The following UNC13B variants were observed in gnomAD, a reference collection of about 807,000 sequenced individuals.
The protein encoded by UNC13B is protein unc-13 homolog B.
A neutral mutation model predicts 211.0 loss-of-function variants in UNC13B; 144 were observed. The ratio of observed to expected loss-of-function variants is 0.68; its 90% CI spans 0.60 to 0.78. The LOEUF (loss-of-function observed/expected upper bound fraction) is 0.78, where lower values mean the gene tolerates loss of function less well. Among genes scored for constraint, UNC13B ranks in the 30% least tolerant of loss-of-function variants. The pLI, the probability that UNC13B is intolerant of heterozygous loss-of-function variation, is 0.00. For synonymous variants in UNC13B, 709 were observed against 725.8 expected, an observed-to-expected ratio of 0.98 and a Z score of 0.37; for missense variants, 1,777 against 2,002.0, an observed-to-expected ratio of 0.89 and a Z score of 2.14.
At chr9:35,386,575 A>G (rs1187531211) in intron 24 of UNC13B, among the ~76,000 whole-genome samples, 4 of 152,156 alleles carry the variant, frequency 2.6e-5, no homozygotes, top group African/African-American at 9.7e-5. Flanking sequence ...GAGTAGGGGA[A>G]TTCTCAGTCC....
At chr9:35,254,841 C>T (rs1019481590) in intron 6 of UNC13B, among the ~76,000 whole-genome samples, 51 of 140,486 alleles carry the variant, frequency 3.6e-4, no homozygotes, top group African/African-American at 1.0e-3. Context: ...CTAGTCCTTA[C>T]GCTTTTTCTA....
chr9:35,401,932 C>G (rs1425171787), intron 37 of UNC13B: 1 of 1,550,132 alleles, frequency 6.5e-7, no homozygotes, highest in Non-Finnish European at 8.7e-7. Context: ...CTACCTCTGA[C>G]TTGCCTGTCC....
At chr9:35,196,671 T>G (rs1434117772) in intron 1 of UNC13B, among the ~76,000 whole-genome samples, 1 of 152,206 alleles carries the variant, frequency 6.6e-6, no homozygotes, top group East Asian at 1.9e-4. Context: ...TTTTCTGTTT[T>G]TACATATTGT....
At chr9:35,169,062 C>T (rs754432522) in intron 1 of UNC13B, among the ~76,000 whole-genome samples, 5 of 152,056 alleles carry the variant, frequency 3.3e-5, no homozygotes, top group East Asian at 1.9e-4. Context: ...TTAAAAAACT[C>T]GTTACTGGAC....
intron 30 of UNC13B, 83 bp downstream of exon 30, chr9:35,397,795 G>T: frequency 1.4e-6 from 2 of 1,464,044 alleles, no homozygotes; most frequent in East Asian, 2.3e-5. Context: ...TCAGAATTGA[G>T]GGTTGGGGTG....
At chr9:35,323,538 C>T (rs975479714) in intron 11 of UNC13B, among the ~76,000 whole-genome samples, 4 of 152,172 alleles carry the variant, frequency 2.6e-5, no homozygotes, top group African/African-American at 9.7e-5. Flanking sequence ...ACCAGAGTGA[C>T]CTTCCCTGGC....
chr9:35,295,066 T>C (rs1444415441), intron 7 of UNC13B, among the ~76,000 whole-genome samples: 1 of 152,142 alleles, frequency 6.6e-6, no homozygotes. Context: ...TGACAGGAAT[T>C]GTTAGGAAAA....
At chr9:35,212,298 C>T (rs546631124) in intron 1 of UNC13B, among the ~76,000 whole-genome samples, 165 of 152,284 alleles carry the variant, frequency 1.1e-3, no homozygotes, top group African/African-American at 3.8e-3. Flanking sequence ...ATAGGCCAGG[C>T]GCACTGGCTC....
chr9:35,384,173 G>C, intron 21 of UNC13B, 73 bp from the exon 22 acceptor site: 1 of 1,600,152 alleles, frequency 6.2e-7, no homozygotes, highest in Non-Finnish European at 8.5e-7. Flanking sequence ...GGGTGGTTCT[G>C]TTTCTGTTAT....
At chr9:35,315,888 A>G (rs1830427316) in intron 11 of UNC13B, among the ~76,000 whole-genome samples, 1 of 152,074 alleles carries the variant, frequency 6.6e-6, no homozygotes, top group South Asian at 2.1e-4. Flanking sequence ...CCATCCTTTC[A>G]TGGCAGGAAT....
chr9:35,356,104 G>A (rs1282953580), intron 11 of UNC13B, among the ~76,000 whole-genome samples: 1 of 152,220 alleles, frequency 6.6e-6, no homozygotes, highest in African/African-American at 2.4e-5. Flanking sequence ...CCAAGACTCA[G>A]TACTCAGTCT....
intron 7 of UNC13B, among the ~76,000 whole-genome samples, chr9:35,277,324 T>C (rs982098893): frequency 1.3e-5 from 2 of 152,224 alleles, no homozygotes; most frequent in Non-Finnish European, 2.9e-5. Flanking sequence ...CTTCTGTAAT[T>C]GTGACTACTA....
In UNC13B at chr9:35,377,651, T is replaced by C; in HGVS notation, c.10019T>C (p.Val3340Ala). Residue 3340 changes from valine (V) to alanine (A), a missense_variant, in exon 16 of 40, where the codon GTA (valine) becomes GCA (alanine). Coordinates refer to ENST00000635942, the MANE Select transcript of UNC13B (RefSeq NM_001371189.2). ...CAGATGAAAACAGTGAAGCAGAGTG[T>C]ACTGGATGGCACCTCCAAATGGTCA... is the stretch of plus-strand genomic sequence containing the variant. ...VQQMKTVKQSVLDGTSKWSAK... is the reference protein window; with the variant it reads ...VQQMKTVKQSALDGTSKWSAK... The C allele has an allele frequency of 1.2e-6, 2 of 1,614,148 alleles. No individual in the cohort carries two copies. Among genetic ancestry groups the C allele is most frequent in the Non-Finnish European group, 1.7e-6 (2 of 1,180,032 alleles).
At chr9:35,225,101 G>T (rs1309560508) in intron 1 of UNC13B, among the ~76,000 whole-genome samples, 1 of 152,088 alleles carries the variant, frequency 6.6e-6, no homozygotes, top group Non-Finnish European at 1.5e-5. Context: ...GGGAAAAGTT[G>T]AAAGCCTTTC....
At chr9:35,368,739 T>A (rs765433855) in intron 12 of UNC13B, among the ~76,000 whole-genome samples, 1 of 150,704 alleles carries the variant, frequency 6.6e-6, no homozygotes, top group African/African-American at 2.5e-5. Context: ...TTTTTTTAGT[T>A]TGTCTTCTTT....
chr9:35,179,844 T>G (rs1409528065), intron 1 of UNC13B, among the ~76,000 whole-genome samples: 1 of 152,194 alleles, frequency 6.6e-6, no homozygotes, highest in African/African-American at 2.4e-5. Context: ...GGTTTTAGTT[T>G]TAGGTAAAGT....
chr9:35,242,283 T>A (rs1166523713), intron 5 of UNC13B, among the ~76,000 whole-genome samples: 1 of 152,210 alleles, frequency 6.6e-6, no homozygotes, highest in African/African-American at 2.4e-5. Flanking sequence ...TTTTAAAAAA[T>A]TTTTAATTGT....
At chr9:35,194,259 C>T (rs1822820010) in intron 1 of UNC13B, among the ~76,000 whole-genome samples, 1 of 152,164 alleles carries the variant, frequency 6.6e-6, no homozygotes. Context: ...TGTAAAACTT[C>T]GCTCACATAG....
intron 7 of UNC13B, among the ~76,000 whole-genome samples, chr9:35,269,245 C>G (rs1827742910): frequency 6.6e-6 from 1 of 152,302 alleles, no homozygotes; most frequent in Admixed American, 6.5e-5. Flanking sequence ...GGATGGCTCA[C>G]AGAACCCAGG....
Sources: allele counts gnomAD v4.1 joint callset (sites outside exome capture counted in the v4.1 genomes callset), GRCh38; gene constraint gnomAD v4.1.1; transcripts MANE v1.5; gene names NCBI Gene and HGNC (gene_info 2026-07-23, HGNC 2026-07-21).